The following MRTFA variants were observed in gnomAD, a reference collection of about 807,000 sequenced individuals.
The protein encoded by MRTFA is myocardin-related transcription factor A.
MRTFA carries 20 observed loss-of-function variants against 83.5 expected under a neutral mutation model. The ratio of observed to expected loss-of-function variants is 0.24; its 90% confidence interval spans 0.17 to 0.35. MRTFA has a LOEUF of 0.35. MRTFA is among the 10% of genes least tolerant of loss of function. MRTFA has a pLI of 1.00. For synonymous variants in MRTFA, 659 were observed against 541.2 expected (o/e 1.22, Z -3.02); for missense variants, 1,200 against 1,224.7 (o/e 0.98, Z 0.30).
chr22:40,523,332 T>C (rs1341564402), intron 3 of MRTFA: 1 of 152,226 alleles, frequency 6.6e-6, no homozygotes, highest in East Asian at 1.9e-4. Context: ...TTCTCAACTT[T>C]AATATGCATG....
chr22:40,536,515 C>T (rs2055179226), intron 3 of MRTFA, among the ~76,000 whole-genome samples: 2 of 132,450 alleles, frequency 1.5e-5, no homozygotes, highest in Non-Finnish European at 3.2e-5. Flanking sequence ...CAGCCTCTGC[C>T]CGGCCGCCAC....
chr22:40,552,028 AAAGT>A (rs2055450676), intron 3 of MRTFA, 74 bp downstream of exon 3: 1 of 396,258 alleles, frequency 2.5e-6, no homozygotes, highest in Non-Finnish European at 4.4e-6. Context: ...AACATCAAAT[AAAGT>A]AAGAATCTGT....
intron 1 of MRTFA, among the ~76,000 whole-genome samples, chr22:40,617,323 C>T (rs1353307640): frequency 6.6e-6 from 1 of 151,818 alleles, no homozygotes; most frequent in African/African-American, 2.4e-5. Flanking sequence ...AGGTCTCCTA[C>T]AGAGAGAGAA....
chr22:40,584,915 C>T (rs536585027), intron 2 of MRTFA, among the ~76,000 whole-genome samples: 33 of 152,050 alleles, frequency 2.2e-4, no homozygotes, highest in African/African-American at 8.0e-4. Flanking sequence ...CGTGGTGGCG[C>T]ACGCCTGTAG....
chr22:40,519,335 T>TA, intron 3 of MRTFA: 2 of 1,025,350 alleles, frequency 2.0e-6, no homozygotes, highest in Non-Finnish European at 2.7e-6. Flanking sequence ...CCTTCTCACT[T>TA]AGAGACTACC....
At chr22:40,481,830 A>G (rs983727224) in intron 3 of MRTFA, among the ~76,000 whole-genome samples, 1 of 152,042 alleles carries the variant, frequency 6.6e-6, no homozygotes, top group Non-Finnish European at 1.5e-5. Flanking sequence ...GGAGGCCAAG[A>G]CAGGCAGATC....
chr22:40,561,222 G>C (rs566373990), intron 2 of MRTFA, among the ~76,000 whole-genome samples: 9 of 151,726 alleles, frequency 5.9e-5, no homozygotes, highest in Non-Finnish European at 8.8e-5. Context: ...CTGTGTGTGT[G>C]TGTGTGTGTG....
At chr22:40,414,816 C>G (rs1417376207) in intron 14 of MRTFA, among the ~76,000 whole-genome samples, 1 of 149,560 alleles carries the variant, frequency 6.7e-6, no homozygotes, top group Non-Finnish European at 1.5e-5. Flanking sequence ...GTGAATGGAC[C>G]TAATACCTCT....
chr22:40,531,184 G>C (rs776343779), intron 3 of MRTFA, among the ~76,000 whole-genome samples: 6 of 150,914 alleles, frequency 4.0e-5, no homozygotes, highest in Non-Finnish European at 5.9e-5. Flanking sequence ...TTGCAGCCTC[G>C]ACCTCCTGGG....
chr22:40,551,211 A>G (rs2055440211), intron 3 of MRTFA, among the ~76,000 whole-genome samples: 1 of 152,154 alleles, frequency 6.6e-6, no homozygotes, highest in Non-Finnish European at 1.5e-5. Flanking sequence ...AGGTTGAGGT[A>G]TGAGTACATG....
At chr22:40,521,457 T>C (rs2054864445) in intron 3 of MRTFA, among the ~76,000 whole-genome samples, 1 of 152,100 alleles carries the variant, frequency 6.6e-6, no homozygotes, top group Admixed American at 6.6e-5. Context: ...GTTTGCCCCT[T>C]TTTAAAAGTT....
Position 40,488,495 on chromosome 22 carries a change from C to T in MRTFA, c.242-25209G>A, listed in dbSNP as rs567685099. Among the ~76,000 whole-genome samples, 6 of 152,096 alleles carry T rather than the reference C, an allele frequency of 3.9e-5. No homozygotes were observed. The East Asian group carries it at 5.8e-4, about 15-fold the overall frequency. On this transcript the variant is annotated intron_variant, in intron 3 of 14. Coordinates refer to ENST00000355630, the MANE Select transcript of MRTFA (RefSeq NM_020831.6). ...GCCCAGAGTTTGAGTCCAGCCTGGG[C>T]GACACGGTGAGACTCCATCTCTCTC...
At chr22:40,568,023 T>G (rs900225013) in intron 2 of MRTFA, among the ~76,000 whole-genome samples, 4 of 152,188 alleles carry the variant, frequency 2.6e-5, no homozygotes, top group African/African-American at 9.7e-5. Flanking sequence ...TGTCATAATT[T>G]TGTAAGAGTA....
intron 5 of MRTFA, 50 bp from the exon 6 acceptor site, chr22:40,431,530 T>C: frequency 1.3e-6 from 2 of 1,559,280 alleles, no homozygotes; most frequent in Non-Finnish European, 8.8e-7. Context: ...CACAGGCTTA[T>C]GGCATGGACA....
chr22:40,582,883 T>C (rs928455487), intron 2 of MRTFA, among the ~76,000 whole-genome samples: 2 of 152,100 alleles, frequency 1.3e-5, no homozygotes, highest in Non-Finnish European at 1.5e-5. Context: ...TCTTTCTGTA[T>C]GAAAAAAAGG....
chr22:40,442,738 C>T (rs1031802338), intron 4 of MRTFA, among the ~76,000 whole-genome samples: 1 of 152,124 alleles, frequency 6.6e-6, no homozygotes, highest in Admixed American at 6.5e-5. Context: ...CAAAATTTAA[C>T]CTGGGGGAAC....
chr22:40,605,583 A>G (rs763298621), intron 1 of MRTFA, among the ~76,000 whole-genome samples: 1 of 152,220 alleles, frequency 6.6e-6, no homozygotes, highest in Non-Finnish European at 1.5e-5. Context: ...ATGTGATTCC[A>G]TTTATGTTTT....
intron 4 of MRTFA, among the ~76,000 whole-genome samples, chr22:40,439,696 AGACCTGTCTGAGG>A (rs892441621): frequency 1.2e-4 from 19 of 152,244 alleles, no homozygotes; most frequent in African/African-American, 4.3e-4. Context: ...AGGGGTTCAG[AGACCTGTCTGAGG>A]GGCCCCAGGG....
chr22:40,425,952 T>C (rs1243010133), intron 7 of MRTFA, among the ~76,000 whole-genome samples: 1 of 152,168 alleles, frequency 6.6e-6, no homozygotes, highest in African/African-American at 2.4e-5. Flanking sequence ...TCCAGGAGTT[T>C]ATGGTCCAGT....
Sources: gnomAD v4.1 joint callset for allele counts (sites outside exome capture counted in the v4.1 genomes callset) on GRCh38, gnomAD v4.1.1 for gene constraint, MANE v1.5 for transcripts, NCBI Gene and HGNC (gene_info 2026-07-23, HGNC 2026-07-21) for gene names.